Variants in RANBP2 observed in about 807,000 individuals in gnomAD.
RANBP2 encodes the protein E3 SUMO-protein ligase RanBP2.
RANBP2 carries 57 observed loss-of-function variants against 303.6 expected under a neutral mutation model. That is an observed-to-expected ratio of 0.19 (90% CI 0.15 to 0.23). The LOEUF (loss-of-function observed/expected upper bound fraction) is 0.23, where lower values mean the gene tolerates loss of function less well. Ranked by LOEUF, RANBP2 falls within the 10% of genes least tolerant of loss-of-function variation. The probability of loss-of-function intolerance (pLI) is 1.00; values close to 1 mark genes in which losing one functional copy is unlikely to be tolerated. For missense variants in RANBP2, 3,138 were observed against 3,780.8 expected, an observed-to-expected ratio of 0.83 and a Z score of 4.46; for synonymous variants, 1,167 against 1,301.5, an observed-to-expected ratio of 0.90 and a Z score of 2.23.
At chr2:108,729,507 G>C (rs1446972026) in intron 2 of RANBP2, among the ~76,000 whole-genome samples, 1 of 152,094 alleles carries the variant, frequency 6.6e-6, no homozygotes, top group African/African-American at 2.4e-5. Flanking sequence ...ATTTGTTTTT[G>C]GTTAGATATC....
the RANBP2 span, among the ~76,000 whole-genome samples, chr2:109,713,424 G>A: frequency 6.6e-6 from 1 of 152,144 alleles, no homozygotes; most frequent in African/African-American, 2.4e-5. Context: ...GACTAGAGGG[G>A]CCAGCAAGGG....
At chr2:109,165,363 C>T in the RANBP2 span, among the ~76,000 whole-genome samples, 73 of 152,224 alleles carry the variant, frequency 4.8e-4, no homozygotes, top group African/African-American at 1.6e-3. Context: ...GAGATGTTGG[C>T]GGATGCTGTC....
chr2:108,956,784 C>CTTTTTT, the RANBP2 span, among the ~76,000 whole-genome samples: 1 of 123,590 alleles, frequency 8.1e-6, no homozygotes, highest in African/African-American at 3.8e-5. Context: ...CGAAAGCTCT[C>CTTTTTT]TTTTTTTTTT....
At chr2:109,629,322 TA>T in the RANBP2 span, among the ~76,000 whole-genome samples, 47 of 5,694 alleles carry the variant, frequency 8.3e-3, 1 homozygote, top group African/African-American at 0.023. Flanking sequence ...TATATATATA[TA>T]TATATATATA....
At chr2:108,930,180 G>A in the RANBP2 span, 12 of 1,614,000 alleles carry the variant, frequency 7.4e-6, no homozygotes, top group South Asian at 4.4e-5. Context: ...CCGTAGTCTG[G>A]TTGTAGTACT....
the RANBP2 span, among the ~76,000 whole-genome samples, chr2:109,342,807 C>T: frequency 3.3e-5 from 5 of 152,286 alleles, 1 homozygote; most frequent in South Asian, 1.0e-3. Context: ...ACATTAAGTC[C>T]AGAGGAAGAT....
At chr2:108,786,721 C>CGG (rs376621133), downstream of RANBP2, 14 of 1,119,882 alleles carry the variant, frequency 1.3e-5, no homozygotes, top group Admixed American at 2.0e-5. Flanking sequence ...GTGCGTGCCT[C>CGG]GGGGGGGCGG....
the RANBP2 span, among the ~76,000 whole-genome samples, chr2:109,244,642 C>T: frequency 1.3e-5 from 2 of 152,182 alleles, no homozygotes; most frequent in South Asian, 4.1e-4. Context: ...GAGAAGATAT[C>T]GGAGTTTCTG....
the RANBP2 span, among the ~76,000 whole-genome samples, chr2:108,971,438 T>C: frequency 6.6e-6 from 1 of 151,934 alleles, no homozygotes; most frequent in African/African-American, 2.4e-5. Flanking sequence ...AGATTATGAC[T>C]CCAGAAGGAG....
chr2:108,985,306 T>C, the RANBP2 span, among the ~76,000 whole-genome samples: 2 of 152,206 alleles, frequency 1.3e-5, no homozygotes, highest in Admixed American at 1.3e-4. Flanking sequence ...GTGGTTGTTA[T>C]TGCCCTCATT....
At chr2:109,423,741 A>C in the RANBP2 span, among the ~76,000 whole-genome samples, 5 of 152,146 alleles carry the variant, frequency 3.3e-5, no homozygotes, top group African/African-American at 1.2e-4. Context: ...CCCCATGGTC[A>C]CCCCTTCCAG....
At chr2:109,378,219 G>A in the RANBP2 span, among the ~76,000 whole-genome samples, 2 of 152,350 alleles carry the variant, frequency 1.3e-5, no homozygotes, top group South Asian at 2.1e-4. Flanking sequence ...TCACCCACCG[G>A]CTTGCACTCT....
At chr2:109,199,621 A>ATCAACCCAAG in the RANBP2 span, among the ~76,000 whole-genome samples, 1 of 84 alleles carries the variant, frequency 0.012, no homozygotes, top group Non-Finnish European at 0.022. Context: ...ATGGAATGGA[A>ATCAACCCAAG]TGGAATGGAA....
the RANBP2 span, among the ~76,000 whole-genome samples, chr2:109,341,960 A>T: frequency 6.6e-6 from 1 of 152,212 alleles, no homozygotes; most frequent in South Asian, 2.1e-4. Flanking sequence ...AGGGGTCATT[A>T]GCTGTCTCTG....
the RANBP2 span, among the ~76,000 whole-genome samples, chr2:109,530,539 A>G: frequency 6.6e-6 from 1 of 152,230 alleles, no homozygotes; most frequent in Non-Finnish European, 1.5e-5. Context: ...ATACATATCT[A>G]TCTTGGTGTT....
At chr2:109,345,231 G>T in the RANBP2 span, among the ~76,000 whole-genome samples, 1 of 152,176 alleles carries the variant, frequency 6.6e-6, no homozygotes, top group Non-Finnish European at 1.5e-5. Flanking sequence ...CAATGTGGGT[G>T]TGAGTGGTGT....
chr2:109,733,407 G>A, the RANBP2 span, among the ~76,000 whole-genome samples: 523 of 151,584 alleles, frequency 3.5e-3, 1 homozygote, highest in Middle Eastern at 6.9e-3. Context: ...AGCAAATTAG[G>A]AACAGAGGGA....
the RANBP2 span, among the ~76,000 whole-genome samples, chr2:109,165,098 G>A: frequency 2.6e-5 from 4 of 152,184 alleles, no homozygotes; most frequent in East Asian, 7.7e-4. Flanking sequence ...TACTCCCAGG[G>A]CTAGTTGTTC....
the RANBP2 span, chr2:109,617,352 T>C: frequency 6.0e-6 from 1 of 167,094 alleles, no homozygotes; most frequent in Non-Finnish European, 1.5e-5. Context: ...CCTTTGTATA[T>C]AAATGAAAAA....
Sources: gnomAD v4.1 joint callset for allele counts (sites outside exome capture counted in the v4.1 genomes callset) on GRCh38, gnomAD v4.1.1 for gene constraint, MANE v1.5 for transcripts, NCBI Gene and HGNC (gene_info 2026-07-23, HGNC 2026-07-21) for gene names.